TENM3: variants seen among roughly 807,000 people sequenced by gnomAD.
TENM3 encodes teneurin-3.
In TENM3, 63 loss-of-function variants were observed where a neutral mutation model predicts 255.1. The observed-to-expected ratio is 0.25, with a 90% confidence interval of 0.20 to 0.30. The LOEUF (loss-of-function observed/expected upper bound fraction) is 0.30. TENM3 is among the 10% of genes least tolerant of loss of function. The pLI, the probability that TENM3 is intolerant of heterozygous loss-of-function variation, is 1.00. For synonymous variants in TENM3, 1,306 were observed against 1,322.3 expected, an observed-to-expected ratio of 0.99 and a Z score of 0.27; for missense variants, 2,929 against 3,461.1, an observed-to-expected ratio of 0.85 and a Z score of 3.86.
intron 1 of TENM3, among the ~76,000 whole-genome samples, chr4:182,299,704 A>T (rs548623635): frequency 2.6e-5 from 4 of 152,118 alleles, no homozygotes; most frequent in Non-Finnish European, 4.4e-5. Context: ...TAGAGATGGG[A>T]CAAGTAAGTT....
At chr4:182,155,137 G>C (rs919301448) in intron 1 of TENM3, among the ~76,000 whole-genome samples, 1 of 152,064 alleles carries the variant, frequency 6.6e-6, no homozygotes, top group Non-Finnish European at 1.5e-5. Context: ...TTGGCTAATT[G>C]AGTCATTTTA....
At chr4:182,401,227 C>G (rs1769196800) in intron 3 of TENM3, among the ~76,000 whole-genome samples, 1 of 152,014 alleles carries the variant, frequency 6.6e-6, no homozygotes, top group Non-Finnish European at 1.5e-5. Flanking sequence ...TTTTCTACAT[C>G]CTTTAATTTT....
chr4:181,973,568 T>C, the TENM3 span, among the ~76,000 whole-genome samples: 2 of 151,888 alleles, frequency 1.3e-5, no homozygotes, highest in Middle Eastern at 3.2e-3. Context: ...CTGGGAAACA[T>C]AGTGAGGCCC....
the TENM3 span, among the ~76,000 whole-genome samples, chr4:181,570,634 A>G: frequency 2.0e-5 from 3 of 147,474 alleles, no homozygotes; most frequent in Non-Finnish European, 4.5e-5. Flanking sequence ...AAAGGAAAGA[A>G]AGAGAGAGAG....
At chr4:181,513,983 C>T in the TENM3 span, among the ~76,000 whole-genome samples, 1 of 152,064 alleles carries the variant, frequency 6.6e-6, no homozygotes, top group Non-Finnish European at 1.5e-5. Flanking sequence ...TAATTTTCCA[C>T]CTCAACTAAG....
the TENM3 span, among the ~76,000 whole-genome samples, chr4:182,117,725 T>G: frequency 6.6e-6 from 1 of 152,216 alleles, no homozygotes; most frequent in South Asian, 2.1e-4. Flanking sequence ...TGAAGTTGAA[T>G]AGCATCAGTC....
At chr4:182,709,207 T>C (rs1322692542) in intron 12 of TENM3, among the ~76,000 whole-genome samples, 2 of 152,134 alleles carry the variant, frequency 1.3e-5, no homozygotes, top group African/African-American at 4.8e-5. Flanking sequence ...GGTCTCGAAC[T>C]CCTGACCTCA....
At chr4:182,531,587 G>C (rs1353186708) in intron 3 of TENM3, among the ~76,000 whole-genome samples, 1 of 152,136 alleles carries the variant, frequency 6.6e-6, no homozygotes, top group Non-Finnish European at 1.5e-5. Flanking sequence ...CTACAGCAAA[G>C]TCAGCAAAAG....
chr4:182,748,307 G>C (rs1762146699), intron 19 of TENM3, among the ~76,000 whole-genome samples: 1 of 152,148 alleles, frequency 6.6e-6, no homozygotes, highest in Non-Finnish European at 1.5e-5. Flanking sequence ...GAATGCTGCT[G>C]TGCTTCCGCT....
upstream of TENM3, among the ~76,000 whole-genome samples, chr4:182,239,672 A>G (rs1390229305): frequency 6.6e-6 from 1 of 152,190 alleles, no homozygotes. Context: ...TTCAAACCAA[A>G]TAGGGGCGGA....
rs956661239 is a variant in TENM3 at position 182,649,731 on chromosome 4, G to T, written c.989-4040G>T. On this transcript the variant is annotated intron_variant, in intron 5 of 27. Transcript: ENST00000511685. ...CAGAATAGTGGGAAAGTGCTGCGTA[G>T]AATGGTGCCCAGGACACACAGATGT... Among the ~76,000 whole-genome samples the T allele has an allele frequency of 2.0e-5, 3 of 150,338 alleles. 1 individual carries two copies. The highest frequency in any genetic ancestry group is 4.5e-5 in the Non-Finnish European group (3 of 67,336).
chr4:181,730,141 C>T, the TENM3 span, among the ~76,000 whole-genome samples: 1 of 152,080 alleles, frequency 6.6e-6, no homozygotes, highest in African/African-American at 2.4e-5. Context: ...GCTATACACG[C>T]GTTTGAGGGG....
intron 3 of TENM3, among the ~76,000 whole-genome samples, chr4:182,351,539 C>T (rs1765181550): frequency 6.6e-6 from 1 of 152,164 alleles, no homozygotes; most frequent in Non-Finnish European, 1.5e-5. Context: ...CTGCCGAGTT[C>T]TGGAGGGGCG....
rs199618148 is a variant in TENM3 at position 182,783,307 on chromosome 4, G to A, written c.5305-5786G>A. 2.9e-4 allele frequency among the ~76,000 whole-genome samples: 44 copies of A among 151,208 alleles called. No homozygotes were observed. The East Asian group carries it at 6.2e-3, about 21-fold the overall frequency. ...CTGCAAAGTATTTTATTTCTCCTTC[G>A]CTTATGAAGCTTAGTTTGGCTGGAT... is the stretch of plus-strand genomic sequence containing the variant. On this transcript the variant is annotated intron_variant, in intron 24 of 27. Coordinates refer to ENST00000511685, the MANE Select transcript of TENM3 (RefSeq NM_001080477.4).
the TENM3 span, among the ~76,000 whole-genome samples, chr4:181,648,919 G>C: frequency 6.6e-6 from 1 of 152,194 alleles, no homozygotes. Flanking sequence ...GGACAATGCG[G>C]TGATTATAAA....
chr4:182,683,934 C>T (rs938619406), intron 11 of TENM3, among the ~76,000 whole-genome samples: 4 of 151,568 alleles, frequency 2.6e-5, no homozygotes, highest in East Asian at 2.0e-4. Flanking sequence ...ACAATAGAGA[C>T]GTGTGTTGAG....
chr4:182,506,935 A>G (rs1736885384), intron 3 of TENM3, among the ~76,000 whole-genome samples: 1 of 152,194 alleles, frequency 6.6e-6, no homozygotes, highest in South Asian at 2.1e-4. Flanking sequence ...TGTTAAGGTT[A>G]TCTTATCTGT....
intron 3 of TENM3, among the ~76,000 whole-genome samples, chr4:182,517,313 T>G: frequency 6.6e-6 from 1 of 152,000 alleles, no homozygotes; most frequent in Non-Finnish European, 1.5e-5. Flanking sequence ...AGCACTAGAA[T>G]TCAGCAGGCT....
chr4:182,145,755 A>G (rs970663405), intron 1 of TENM3, among the ~76,000 whole-genome samples: 1 of 152,218 alleles, frequency 6.6e-6, no homozygotes, highest in African/African-American at 2.4e-5. Flanking sequence ...GACTTTTTAC[A>G]GGGCCCCAGA....
Sources: allele counts gnomAD v4.1 joint callset (sites outside exome capture counted in the v4.1 genomes callset), GRCh38; gene constraint gnomAD v4.1.1; transcripts MANE v1.5; gene names NCBI Gene and HGNC (gene_info 2026-07-23, HGNC 2026-07-21).